PSD3: variants seen among roughly 807,000 people sequenced by gnomAD.
The protein encoded by PSD3 is PH and SEC7 domain-containing protein 3.
A neutral mutation model predicts 105.5 loss-of-function variants in PSD3; 49 were observed. The ratio of observed to expected loss-of-function variants is 0.46; its 90% CI spans 0.37 to 0.59. PSD3 has a LOEUF of 0.59. Among genes scored for constraint, PSD3 ranks in the 20% least tolerant of loss-of-function variants. The pLI, the probability that PSD3 is intolerant of heterozygous loss-of-function variation, is 0.00. For synonymous variants in PSD3, 557 were observed against 457.8 expected, an observed-to-expected ratio of 1.22 and a Z score of -2.77; for missense variants, 1,561 against 1,263.8, an observed-to-expected ratio of 1.24 and a Z score of -3.57.
intron 2 of PSD3, among the ~76,000 whole-genome samples, chr8:18,930,029 G>C (rs1338652466): frequency 6.6e-6 from 1 of 152,106 alleles, no homozygotes; most frequent in East Asian, 1.9e-4. Flanking sequence ...TCTAATCCAG[G>C]AGAACCAACA....
At chr8:18,981,491 T>A (rs910729656) in intron 1 of PSD3, among the ~76,000 whole-genome samples, 1 of 152,148 alleles carries the variant, frequency 6.6e-6, no homozygotes, top group Non-Finnish European at 1.5e-5. Flanking sequence ...AACAAACTCA[T>A]CAGGTTGTTA....
chr8:19,076,533 C>T (rs1829467623), intron 1 of PSD3, among the ~76,000 whole-genome samples: 1 of 152,026 alleles, frequency 6.6e-6, no homozygotes, highest in Non-Finnish European at 1.5e-5. Context: ...CTAAGGGTAC[C>T]AGCAAGCAAT....
At chr8:18,596,363 G>C (rs1804095269) in intron 12 of PSD3, among the ~76,000 whole-genome samples, 1 of 151,584 alleles carries the variant, frequency 6.6e-6, no homozygotes, top group East Asian at 1.9e-4. Flanking sequence ...AGTTAGCACA[G>C]GAAAGAAACA....
chr8:18,804,833 T>C lies in PSD3; in HGVS notation c.1700A>G (p.Glu567Gly). ...HSEMGSTEIL[E>G]KETPENLSNG... ...ACTGAGATTTTCTGGGGTCTCCTTT[T>C]CCAAAATTTCAGTGCTCCCCATTTC... The change falls in exon 5 of 16, where the codon GAA becomes GGA. Residue 567 changes from glutamate to glycine, a missense_variant. By Grantham distance (98) the Glu-to-Gly change is moderately conservative (BLOSUM62 -2). Coordinates refer to ENST00000327040, the MANE Select transcript of PSD3 (RefSeq NM_015310.4). 1.9e-6 allele frequency: 3 copies of C among 1,613,928 alleles called. No homozygotes were observed. Among genetic ancestry groups the C allele is most frequent in the Non-Finnish European group, 1.7e-6 (2 of 1,179,794 alleles).
intron 14 of PSD3, among the ~76,000 whole-genome samples, chr8:18,568,559 C>T (rs1339660191): frequency 6.6e-6 from 1 of 152,110 alleles, no homozygotes; most frequent in African/African-American, 2.4e-5. Flanking sequence ...CATGAGCCAC[C>T]AGAAGTGTCC....
At chr8:18,937,892 C>G (rs1434720219) in intron 1 of PSD3, among the ~76,000 whole-genome samples, 26 of 152,038 alleles carry the variant, frequency 1.7e-4, no homozygotes, top group Admixed American at 1.7e-3. Flanking sequence ...TGGGGAAGGT[C>G]AGCGACATAT....
At chr8:18,799,415 T>C in intron 7 of PSD3, 62 bp from the exon 8 acceptor site, 2 of 1,262,144 alleles carry the variant, frequency 1.6e-6, no homozygotes, top group Non-Finnish European at 2.3e-6. Flanking sequence ...CTCCACCTTA[T>C]TATCACTAAT....
At chr8:19,036,738 A>G (rs1023471262) in intron 1 of PSD3, among the ~76,000 whole-genome samples, 2 of 152,168 alleles carry the variant, frequency 1.3e-5, no homozygotes, top group Admixed American at 1.3e-4. Flanking sequence ...GCTGAATACT[A>G]TGTAATGAAT....
At chr8:18,616,529 C>T (rs1805678984) in intron 11 of PSD3, among the ~76,000 whole-genome samples, 1 of 152,240 alleles carries the variant, frequency 6.6e-6, no homozygotes, top group Non-Finnish European at 1.5e-5. Context: ...TCTATTCTCG[C>T]TCTCATCATG....
At chr8:18,792,306 G>T (rs1468212635) in intron 8 of PSD3, among the ~76,000 whole-genome samples, 3 of 152,146 alleles carry the variant, frequency 2.0e-5, no homozygotes, top group African/African-American at 7.2e-5. Flanking sequence ...GAAAGACATG[G>T]AATCAACCTA....
chr8:18,896,003 T>C (rs934883878), intron 2 of PSD3, among the ~76,000 whole-genome samples: 2 of 152,226 alleles, frequency 1.3e-5, no homozygotes, highest in Non-Finnish European at 2.9e-5. Context: ...GTAACCACTA[T>C]TCTACTCTAC....
intron 4 of PSD3, among the ~76,000 whole-genome samples, chr8:18,847,220 G>A (rs533750255): frequency 1.3e-5 from 2 of 152,280 alleles, no homozygotes; most frequent in South Asian, 4.1e-4. Context: ...AAAAGAGACT[G>A]CAGTATGATC....
intron 13 of PSD3, 74 bp from the exon 14 acceptor site, chr8:18,572,746 T>G: frequency 6.6e-7 from 1 of 1,514,608 alleles, no homozygotes; most frequent in Non-Finnish European, 9.0e-7. Flanking sequence ...TATTTCACGT[T>G]ACTGATTTGC....
chr8:18,939,212 C>A (rs141508746), intron 1 of PSD3, among the ~76,000 whole-genome samples: 2 of 152,090 alleles, frequency 1.3e-5, no homozygotes, highest in Non-Finnish European at 2.9e-5. Context: ...ACCTCAGGTC[C>A]GTGGGGAAGC....
At chr8:18,848,511 C>A (rs1815292589) in intron 4 of PSD3, among the ~76,000 whole-genome samples, 1 of 152,106 alleles carries the variant, frequency 6.6e-6, no homozygotes, top group African/African-American at 2.4e-5. Context: ...GAGAGGCAGC[C>A]AAGCCAGGCA....
At position 19,002,064 on chromosome 8, in the gene PSD3, A is replaced by G. The variant is rs186997295; in HGVS notation, c.21+11499T>C. The G allele has an allele frequency of 1.5e-3, 235 of 153,728 alleles. 1 individual carries two copies. The highest frequency in any genetic ancestry group is 5.5e-3 in the African/African-American group (230 of 41,570). 9.5% of individuals were successfully genotyped at this position (153,728 alleles called of 1,614,324 possible). Reference sequence around the variant, plus strand: ...TTTCTGCTAGCAGCTTGGTGCAAACATATCATCCTCTCTCACTAACTGATC... The same window carrying G: ...TTTCTGCTAGCAGCTTGGTGCAAACGTATCATCCTCTCTCACTAACTGATC... On this transcript the variant is annotated intron_variant, in intron 1 of 15. Transcript: ENST00000327040.
intron 4 of PSD3, among the ~76,000 whole-genome samples, chr8:18,856,788 C>G (rs188517711): frequency 6.6e-6 from 1 of 152,312 alleles, no homozygotes; most frequent in East Asian, 1.9e-4. Context: ...GATTTTACCA[C>G]AGTCCATTCA....
intron 1 of PSD3, among the ~76,000 whole-genome samples, chr8:18,955,139 G>C (rs1237934910): frequency 6.6e-6 from 1 of 152,182 alleles, no homozygotes; most frequent in African/African-American, 2.4e-5. Flanking sequence ...CTGTGGCTCT[G>C]CTCCAGGTGT....
At chr8:18,918,380 C>T (rs920243688) in intron 2 of PSD3, among the ~76,000 whole-genome samples, 9 of 152,188 alleles carry the variant, frequency 5.9e-5, no homozygotes, top group African/African-American at 1.7e-4. Context: ...AATTCACAGC[C>T]TCCCAAAGCC....
Sources: gnomAD v4.1 joint callset for allele counts (sites outside exome capture counted in the v4.1 genomes callset) on GRCh38, gnomAD v4.1.1 for gene constraint, MANE v1.5 for transcripts, NCBI Gene and HGNC (gene_info 2026-07-23, HGNC 2026-07-21) for gene names.